The following DOCK1 variants were observed in gnomAD, a reference collection of about 807,000 sequenced individuals.
The protein encoded by DOCK1 is dedicator of cytokinesis protein 1.
A neutral mutation model predicts 262.7 loss-of-function variants in DOCK1; 138 were observed. That is an observed-to-expected ratio of 0.53 (90% CI 0.46 to 0.61). The LOEUF (loss-of-function observed/expected upper bound fraction) is 0.61. Ranked by LOEUF, DOCK1 falls within the 20% of genes least tolerant of loss-of-function variation. The pLI, the probability that DOCK1 is intolerant of heterozygous loss-of-function variation, is 0.00. For missense variants in DOCK1, 1,908 were observed against 2,370.7 expected (o/e 0.80, Z 4.05); for synonymous variants, 866 against 867.4 (o/e 1.00, Z 0.03).
At chr10:126,908,780 C>G (rs1217181181) in intron 1 of DOCK1, among the ~76,000 whole-genome samples, 2 of 152,140 alleles carry the variant, frequency 1.3e-5, no homozygotes, top group East Asian at 3.9e-4. Context: ...ACTCAGCTGT[C>G]ACACTGGCCA....
intron 23 of DOCK1, among the ~76,000 whole-genome samples, chr10:127,093,219 T>TTTGTTTCTTTC (rs149382008): frequency 1.6e-5 from 1 of 62,904 alleles, no homozygotes; most frequent in Non-Finnish European, 3.3e-5. Flanking sequence ...TCTTTCTTTC[T>TTTGTTTCTTTC]TTTCTTTCTT....
intron 27 of DOCK1, among the ~76,000 whole-genome samples, chr10:127,172,521 G>A (rs2054670032): frequency 6.6e-6 from 1 of 152,154 alleles, no homozygotes; most frequent in Admixed American, 6.5e-5. Flanking sequence ...GGAGAAGACG[G>A]GTGGGAAATT....
At chr10:127,085,541 C>T (rs1468152973) in intron 23 of DOCK1, among the ~76,000 whole-genome samples, 3 of 152,140 alleles carry the variant, frequency 2.0e-5, no homozygotes, top group Non-Finnish European at 2.9e-5. Context: ...AGGCGGATCA[C>T]GAGGTCAGGA....
chr10:127,153,115 C>T (rs1190769514), intron 27 of DOCK1, among the ~76,000 whole-genome samples: 1 of 152,148 alleles, frequency 6.6e-6, no homozygotes, highest in Non-Finnish European at 1.5e-5. Flanking sequence ...CCAGTCTAAA[C>T]TTTAGAAAAA....
chr10:127,181,600 A>G (rs1322828586), intron 27 of DOCK1, among the ~76,000 whole-genome samples: 3 of 152,238 alleles, frequency 2.0e-5, no homozygotes, highest in Admixed American at 6.5e-5. Context: ...CTCACTGTTC[A>G]GACACCTTGG....
chr10:127,158,968 A>G (rs577184733), intron 27 of DOCK1, among the ~76,000 whole-genome samples: 213 of 152,262 alleles, frequency 1.4e-3, no homozygotes, highest in Admixed American at 2.4e-3. Flanking sequence ...TATCCCAGGG[A>G]CCAATTTGGG....
chr10:127,323,022 C>G (rs1490685089), intron 29 of DOCK1, among the ~76,000 whole-genome samples: 2 of 152,196 alleles, frequency 1.3e-5, no homozygotes, highest in Non-Finnish European at 2.9e-5. Context: ...CTTGTGCTCC[C>G]CAGTCTGTTT....
At chr10:127,052,987 CTT>C (rs2044846586) in intron 22 of DOCK1, among the ~76,000 whole-genome samples, 172 bp downstream of exon 22, 1 of 152,142 alleles carries the variant, frequency 6.6e-6, no homozygotes, top group Non-Finnish European at 1.5e-5. Flanking sequence ...GCTGCCCACT[CTT>C]TCCTTACCCG....
Position 126,925,643 on chromosome 10 carries a change from A to G in DOCK1, c.46+20080A>G, listed in dbSNP as rs368780680. ...GTGATCCGCCTGCCTCGGCCTCCCA[A>G]AGTGCTGGGATTACAGGCGTGAGCC... On this transcript the variant is annotated intron_variant, in intron 1 of 51. Transcript: ENST00000623213. Among the ~76,000 whole-genome samples the G allele has an allele frequency of 1.1e-4, 16 of 151,562 alleles. No homozygotes were observed. In the East Asian group the frequency reaches 3.1e-3, roughly 30 times the overall value.
chr10:126,951,661 A>G (rs2036260263), intron 1 of DOCK1, among the ~76,000 whole-genome samples: 2 of 151,674 alleles, frequency 1.3e-5, no homozygotes, highest in African/African-American at 2.4e-5. Context: ...ATTGGTGACA[A>G]TGGTAGTAGT....
intron 31 of DOCK1, among the ~76,000 whole-genome samples, chr10:127,349,736 T>C (rs1217710104): frequency 6.6e-6 from 1 of 152,134 alleles, no homozygotes; most frequent in Non-Finnish European, 1.5e-5. Context: ...GGAGAAGCTA[T>C]TCCCTGCCTC....
chr10:127,212,089 G>T (rs904837796), intron 27 of DOCK1, among the ~76,000 whole-genome samples: 1 of 152,310 alleles, frequency 6.6e-6, no homozygotes, highest in African/African-American at 2.4e-5. Context: ...CATCACAAGT[G>T]GGTGTGTCAT....
At chr10:127,441,104 T>C (rs909241040) in intron 49 of DOCK1, among the ~76,000 whole-genome samples, 11 of 152,230 alleles carry the variant, frequency 7.2e-5, no homozygotes, top group Admixed American at 2.0e-4. Context: ...CGTTTTAAGA[T>C]GCTAAATTGG....
intron 3 of DOCK1, among the ~76,000 whole-genome samples, chr10:126,979,725 C>T (rs1334765021): frequency 6.6e-6 from 1 of 152,138 alleles, no homozygotes; most frequent in Non-Finnish European, 1.5e-5. Context: ...AAGATCTCCA[C>T]TGGTAGATGA....
At chr10:127,071,435 A>G (rs938376876) in intron 23 of DOCK1, among the ~76,000 whole-genome samples, 1 of 152,244 alleles carries the variant, frequency 6.6e-6, no homozygotes, top group Admixed American at 6.5e-5. Context: ...CAGTAGCACT[A>G]CCTTGCAGAA....
chr10:127,315,159 C>T (rs1470553895), intron 29 of DOCK1, among the ~76,000 whole-genome samples: 3 of 152,042 alleles, frequency 2.0e-5, no homozygotes, highest in Non-Finnish European at 4.4e-5. Context: ...GCTGCCCCCT[C>T]CTCCGTGAGA....
intron 40 of DOCK1, among the ~76,000 whole-genome samples, chr10:127,406,392 A>C (rs1205076027): frequency 6.6e-6 from 1 of 152,128 alleles, no homozygotes; most frequent in East Asian, 1.9e-4. Context: ...AAAGGACAAA[A>C]TGAAAAGTCT....
chr10:126,983,600 C>T (rs925376590), intron 4 of DOCK1, among the ~76,000 whole-genome samples: 3 of 152,098 alleles, frequency 2.0e-5, no homozygotes, highest in African/African-American at 7.2e-5. Context: ...CATGATCTGT[C>T]TCTTGCAGGC....
rs548775401 is a variant in DOCK1 at position 127,248,016 on chromosome 10, C to T, written c.2856C>T (p.Phe952=). Residue 952 remains phenylalanine, a synonymous_variant, in exon 28 of 52, where the codon TTC becomes TTT. Coordinates refer to ENST00000623213, the MANE Select transcript of DOCK1 (RefSeq NM_001290223.2). Reference sequence around the variant, plus strand: ...TTTTGATTCATTTACAGGGAAACTTCGTGGCTTGCATGACAGCTATTTTAC... The same window carrying T: ...TTTTGATTCATTTACAGGGAAACTTTGTGGCTTGCATGACAGCTATTTTAC... ...MGRDSELIGN[F]VACMTAILRQ... The T allele has an allele frequency of 7.0e-5, 113 of 1,613,664 alleles. No homozygotes were observed. The highest frequency in any genetic ancestry group is 8.3e-5 in the Non-Finnish European group (98 of 1,179,842).
Sources: allele counts gnomAD v4.1 joint callset (sites outside exome capture counted in the v4.1 genomes callset), GRCh38; gene constraint gnomAD v4.1.1; transcripts MANE v1.5; gene names NCBI Gene and HGNC (gene_info 2026-07-23, HGNC 2026-07-21).